Variants in FBLN7 observed in about 807,000 individuals in gnomAD.
FBLN7 encodes fibulin 7.
Under a neutral mutation model 44.0 loss-of-function variants are expected in FBLN7, and 31 were observed. That is an observed-to-expected ratio of 0.70 (90% CI 0.53 to 0.95). FBLN7 has a LOEUF of 0.95. Ranked by LOEUF, FBLN7 falls within the 40% of genes least tolerant of loss-of-function variation. FBLN7 has a pLI of 0.00. For missense variants in FBLN7, 573 were observed against 618.5 expected (o/e 0.93, Z 0.78); for synonymous variants, 262 against 253.4 (o/e 1.03, Z -0.32).
the FBLN7 span, chr2:112,231,711 T>C: frequency 4.7e-3 from 2,013 of 430,922 alleles, 14 homozygotes; most frequent in Non-Finnish European, 7.1e-3. Flanking sequence ...CTTAAGTTAT[T>C]AGTCCTAATA....
the FBLN7 span, among the ~76,000 whole-genome samples, chr2:112,230,022 T>A: frequency 6.7e-6 from 1 of 148,916 alleles, no homozygotes; most frequent in African/African-American, 2.5e-5. Context: ...AAGAATTATA[T>A]AAGGAATATA....
the FBLN7 span, among the ~76,000 whole-genome samples, chr2:112,227,110 C>T: frequency 1.3e-5 from 2 of 152,218 alleles, no homozygotes; most frequent in Non-Finnish European, 2.9e-5. Flanking sequence ...AGACTGAATG[C>T]TTCTGCCAAA....
chr2:112,165,010 C>G lies in FBLN7; in HGVS notation c.245C>G (p.Pro82Arg). ...VGPDALPVSC[P>R]ALNTPADGRK... ...CCATCTCTCCTTACAGTTTCCTGCCCGGCTCTGAACACCCCCGCAGACGGC... is the reference window on the plus strand; with the variant it reads ...CCATCTCTCCTTACAGTTTCCTGCCGGGCTCTGAACACCCCCGCAGACGGC... The change falls in exon 3 of 8, where the codon CCG becomes CGG. Residue 82 changes from proline (P) to arginine (R), a missense_variant. Pro to Arg is a moderately radical substitution (Grantham distance 103). Coordinates refer to ENST00000331203, the MANE Select transcript of FBLN7 (RefSeq NM_153214.3). 1 of 1,613,964 alleles carries G rather than the reference C, an allele frequency of 6.2e-7. No individual in the cohort carries two copies. Among genetic ancestry groups the G allele is most frequent in the East Asian group, 2.2e-5 (1 of 44,876 alleles).
At chr2:112,160,866 A>T (rs1179151685) in intron 2 of FBLN7, among the ~76,000 whole-genome samples, 2 of 140,508 alleles carry the variant, frequency 1.4e-5, no homozygotes, top group African/African-American at 5.3e-5. Context: ...ACACACACAC[A>T]CTCAGCCCGA....
the FBLN7 span, among the ~76,000 whole-genome samples, chr2:112,202,377 C>G: frequency 2.6e-5 from 4 of 151,502 alleles, no homozygotes; most frequent in South Asian, 8.4e-4. Flanking sequence ...GTATATAGTT[C>G]TATTTATATA....
chr2:112,143,307 G>A (rs564509087), intron 1 of FBLN7, among the ~76,000 whole-genome samples: 5 of 152,196 alleles, frequency 3.3e-5, no homozygotes, highest in African/African-American at 9.6e-5. Flanking sequence ...CCATCATCTC[G>A]CACTTCACCT....
chr2:112,175,957 C>G (rs1453959838), intron 4 of FBLN7, 118 bp downstream of exon 4: 79 of 1,290,384 alleles, frequency 6.1e-5, no homozygotes, highest in Non-Finnish European at 7.8e-5. Context: ...AAAGATGTAG[C>G]TTTTCCTCTC....
chr2:112,156,100 G>A (rs1005761232), intron 1 of FBLN7, among the ~76,000 whole-genome samples: 2 of 152,190 alleles, frequency 1.3e-5, no homozygotes, highest in African/African-American at 4.8e-5. Flanking sequence ...TTCCCTTCAC[G>A]CTTCCTGCCC....
chr2:112,212,771 G>T, the FBLN7 span: 1 of 152,078 alleles, frequency 6.6e-6, no homozygotes, highest in Admixed American at 6.5e-5. Flanking sequence ...CTGTAATAAA[G>T]ATTAAAAATA....
the FBLN7 span, among the ~76,000 whole-genome samples, chr2:112,239,106 T>G: frequency 7.9e-5 from 12 of 152,228 alleles, no homozygotes; most frequent in African/African-American, 2.9e-4. Flanking sequence ...GTAATCAAGT[T>G]AACTTTACTT....
chr2:112,194,016 G>C, the FBLN7 span, among the ~76,000 whole-genome samples: 1 of 152,194 alleles, frequency 6.6e-6, no homozygotes, highest in Non-Finnish European at 1.5e-5. Flanking sequence ...CGGTGGGCCA[G>C]TAGTTCAGAG....
intron 4 of FBLN7, among the ~76,000 whole-genome samples, chr2:112,178,274 A>AAG (rs1558892132): frequency 3.3e-5 from 5 of 150,494 alleles, no homozygotes; most frequent in Admixed American, 1.3e-4. Flanking sequence ...AAAAACCAAA[A>AAG]GAAAACAAAC....
chr2:112,225,496 A>G, the FBLN7 span, among the ~76,000 whole-genome samples: 11 of 151,962 alleles, frequency 7.2e-5, no homozygotes, highest in Non-Finnish European at 1.5e-4. Flanking sequence ...GACTACAGTC[A>G]ACATATTCAT....
intron 1 of FBLN7, among the ~76,000 whole-genome samples, chr2:112,156,702 T>C (rs1012772384): frequency 1.3e-5 from 2 of 152,180 alleles, no homozygotes; most frequent in African/African-American, 4.8e-5. Flanking sequence ...TTCCGAGCAA[T>C]TGCGTTTGGG....
intron 2 of FBLN7, among the ~76,000 whole-genome samples, chr2:112,160,292 T>C (rs1351886666): frequency 2.6e-5 from 4 of 152,154 alleles, no homozygotes; most frequent in Non-Finnish European, 5.9e-5. Flanking sequence ...GCCGGGCCAA[T>C]CTGTGGCCCA....
intron 4 of FBLN7, among the ~76,000 whole-genome samples, chr2:112,180,375 C>T (rs1682921726): frequency 6.6e-6 from 1 of 152,064 alleles, no homozygotes. Flanking sequence ...GAAAAGGAAA[C>T]CCTTATACAC....
chr2:112,184,785 G>T (rs1426683647), intron 6 of FBLN7, among the ~76,000 whole-genome samples: 1 of 137,896 alleles, frequency 7.3e-6, no homozygotes, highest in Non-Finnish European at 1.5e-5. Flanking sequence ...TATATGGTGT[G>T]TGTATATATA....
At chr2:112,183,450 A>G (rs1683103776) in intron 6 of FBLN7, among the ~76,000 whole-genome samples, 1 of 152,186 alleles carries the variant, frequency 6.6e-6, no homozygotes, top group Non-Finnish European at 1.5e-5. Flanking sequence ...AGGGAGGGAC[A>G]AGAGTCGGGG....
intron 5 of FBLN7, 125 bp from the exon 6 acceptor site, chr2:112,182,666 C>A (rs1043678992): frequency 8.0e-7 from 1 of 1,244,942 alleles, no homozygotes; most frequent in Non-Finnish European, 1.1e-6. Flanking sequence ...GGCGGCTGCC[C>A]GAGGCCCAGC....
Sources: gnomAD v4.1 joint callset for allele counts (sites outside exome capture counted in the v4.1 genomes callset) on GRCh38, gnomAD v4.1.1 for gene constraint, MANE v1.5 for transcripts, NCBI Gene and HGNC (gene_info 2026-07-23, HGNC 2026-07-21) for gene names.